RBFOX1: variants seen among roughly 807,000 people sequenced by gnomAD.
RBFOX1 encodes RNA binding fox-1 homolog 1, also known as RNA binding protein fox-1 homolog 1.
A neutral mutation model predicts 57.7 loss-of-function variants in RBFOX1; 8 were observed. The ratio of observed to expected loss-of-function variants is 0.14; its 90% confidence interval spans 0.08 to 0.25. RBFOX1 has a LOEUF of 0.25. Ranked by LOEUF, RBFOX1 falls within the 10% of genes least tolerant of loss-of-function variation. The pLI, the probability that RBFOX1 is intolerant of heterozygous loss-of-function variation, is 1.00. For missense variants in RBFOX1, 611 were observed against 548.5 expected, an observed-to-expected ratio of 1.11 and a Z score of -1.14; for synonymous variants, 326 against 222.4, an observed-to-expected ratio of 1.47 and a Z score of -4.15.
chr16:6,446,051 A>G (rs2094478996), intron 2 of RBFOX1, among the ~76,000 whole-genome samples: 1 of 152,054 alleles, frequency 6.6e-6, no homozygotes, highest in Non-Finnish European at 1.5e-5. Flanking sequence ...TTCAGCCTTC[A>G]ACTTCTGGGC....
chr16:6,544,046 C>T (rs1033695646), intron 2 of RBFOX1, among the ~76,000 whole-genome samples: 2 of 152,188 alleles, frequency 1.3e-5, no homozygotes, highest in African/African-American at 4.8e-5. Context: ...ACCTGAGATG[C>T]TCTTCTAGGT....
chr16:7,709,621 G>A (rs990715168), intron 15 of RBFOX1: 16 of 1,532,176 alleles, frequency 1.0e-5, no homozygotes, highest in Non-Finnish European at 1.4e-5. Flanking sequence ...TAAAGTCATA[G>A]TCGCCCAGGA....
chr16:6,364,565 G>C (rs147580906), intron 2 of RBFOX1, among the ~76,000 whole-genome samples: 5 of 152,188 alleles, frequency 3.3e-5, no homozygotes, highest in Non-Finnish European at 2.9e-5. Flanking sequence ...ACACATGTGC[G>C]TGTGTGCAGG....
intron 2 of RBFOX1, among the ~76,000 whole-genome samples, chr16:5,473,935 G>A (rs1348639517): frequency 7.0e-6 from 1 of 142,304 alleles, no homozygotes; most frequent in African/African-American, 2.6e-5. Flanking sequence ...TGGGTAGGTA[G>A]ATGGATGGAT....
chr16:6,205,857 A>ACC (rs2097251834), intron 1 of RBFOX1, among the ~76,000 whole-genome samples: 1 of 117,018 alleles, frequency 8.5e-6, no homozygotes, highest in Non-Finnish European at 1.6e-5. Flanking sequence ...AGCCTACGAG[A>ACC]TCATACTTTT....
At chr16:5,723,320 A>T (rs1039297565) in intron 3 of RBFOX1, among the ~76,000 whole-genome samples, 1 of 152,162 alleles carries the variant, frequency 6.6e-6, no homozygotes, top group Non-Finnish European at 1.5e-5. Flanking sequence ...GATGGATGGC[A>T]TCTCAGGTCT....
At chr16:6,675,360 C>T (rs1302544391) in intron 3 of RBFOX1, among the ~76,000 whole-genome samples, 1 of 152,074 alleles carries the variant, frequency 6.6e-6, no homozygotes, top group Admixed American at 6.5e-5. Flanking sequence ...GTATCTGTCC[C>T]AATTTCTCAT....
chr16:6,351,320 T>TAA (rs1437061710), intron 2 of RBFOX1, among the ~76,000 whole-genome samples: 4 of 143,388 alleles, frequency 2.8e-5, no homozygotes, highest in Middle Eastern at 3.7e-3. Flanking sequence ...TATATATATA[T>TAA]AACGTGTGTG....
chr16:5,400,650 C>G (rs1157449716), intron 1 of RBFOX1, among the ~76,000 whole-genome samples: 1 of 151,396 alleles, frequency 6.6e-6, no homozygotes, highest in Non-Finnish European at 1.5e-5. Context: ...TTTCCCCTTC[C>G]AGTTGGGCAT....
At chr16:6,335,836 A>T (rs112806786) in intron 2 of RBFOX1, among the ~76,000 whole-genome samples, 3,570 of 150,054 alleles carry the variant, frequency 0.024, 159 homozygotes, top group African/African-American at 0.084. Context: ...AAACAAAAAA[A>T]TGGAAAATCT....
At chr16:5,705,270 T>G (rs2051200031) in intron 3 of RBFOX1, among the ~76,000 whole-genome samples, 1 of 152,120 alleles carries the variant, frequency 6.6e-6, no homozygotes, top group Non-Finnish European at 1.5e-5. Context: ...TGTTTTTATT[T>G]TTTTAGTTTT....
intron 4 of RBFOX1, among the ~76,000 whole-genome samples, chr16:7,167,623 C>T (rs1275100966): frequency 6.6e-6 from 1 of 152,186 alleles, no homozygotes; most frequent in Non-Finnish European, 1.5e-5. Context: ...TGTTTCAAGC[C>T]ACAGTTTTTG....
At chr16:7,156,693 C>G (rs1304300271) in intron 4 of RBFOX1, among the ~76,000 whole-genome samples, 1 of 152,004 alleles carries the variant, frequency 6.6e-6, no homozygotes, top group Non-Finnish European at 1.5e-5. Flanking sequence ...ATAGTATTCC[C>G]TTCTATGAGT....
At chr16:6,713,051 GCCTCC>G (rs1375212225) in intron 3 of RBFOX1, among the ~76,000 whole-genome samples, 1 of 151,764 alleles carries the variant, frequency 6.6e-6, no homozygotes, top group Non-Finnish European at 1.5e-5. Context: ...TGATTGTGAG[GCCTCC>G]CCAGCCATGT....
chr16:5,303,907 A>C (rs549231409), intron 1 of RBFOX1, among the ~76,000 whole-genome samples: 3 of 152,294 alleles, frequency 2.0e-5, no homozygotes, highest in African/African-American at 7.2e-5. Context: ...TCAGCCTTTC[A>C]AACAAGGCAC....
intron 3 of RBFOX1, among the ~76,000 whole-genome samples, chr16:6,828,473 G>A (rs937490362): frequency 6.6e-6 from 1 of 151,624 alleles, no homozygotes; most frequent in Non-Finnish European, 1.5e-5. Context: ...GCAGTCAGTC[G>A]ACATCACGCC....
At chr16:5,740,709 A>C (rs1033680798) in intron 3 of RBFOX1, among the ~76,000 whole-genome samples, 16 of 152,146 alleles carry the variant, frequency 1.1e-4, no homozygotes, top group Non-Finnish European at 1.9e-4. Flanking sequence ...TATCATTCTA[A>C]GGTGAGCTGT....
chr16:6,091,606 G>T (rs2096175388), intron 1 of RBFOX1, among the ~76,000 whole-genome samples: 1 of 152,196 alleles, frequency 6.6e-6, no homozygotes, highest in African/African-American at 2.4e-5. Flanking sequence ...GAGGCAGGCG[G>T]ATCACCTGAG....
intron 1 of RBFOX1, among the ~76,000 whole-genome samples, chr16:6,053,856 A>G (rs1322351252): frequency 1.3e-5 from 2 of 151,828 alleles, no homozygotes; most frequent in South Asian, 4.2e-4. Flanking sequence ...ACAGGAGTTC[A>G]AGACCAGCCT....
Sources: gnomAD v4.1 joint callset for allele counts (sites outside exome capture counted in the v4.1 genomes callset) on GRCh38, gnomAD v4.1.1 for gene constraint, MANE v1.5 for transcripts, NCBI Gene and HGNC (gene_info 2026-07-23, HGNC 2026-07-21) for gene names.